The following LDB2 variants were observed in gnomAD, a reference collection of about 807,000 sequenced individuals.
LDB2 encodes LIM domain-binding protein 2.
LDB2 carries 12 observed loss-of-function variants against 44.3 expected under a neutral mutation model. That is an observed-to-expected ratio of 0.27 (90% CI 0.17 to 0.44). LDB2 has a LOEUF of 0.44. Ranked by LOEUF, LDB2 falls within the 20% of genes least tolerant of loss-of-function variation. The pLI, the probability that LDB2 is intolerant of heterozygous loss-of-function variation, is 1.00. For synonymous variants in LDB2, 164 were observed against 174.8 expected (o/e 0.94, Z 0.49); for missense variants, 344 against 473.5 (o/e 0.73, Z 2.54).
intron 5 of LDB2, among the ~76,000 whole-genome samples, chr4:16,523,133 A>G (rs543556967): frequency 1.1e-4 from 17 of 152,308 alleles, no homozygotes; most frequent in African/African-American, 3.8e-4. Flanking sequence ...GTATGCATGT[A>G]TGTACATATT....
intron 5 of LDB2, among the ~76,000 whole-genome samples, chr4:16,527,145 C>T (rs981996248): frequency 1.1e-4 from 17 of 152,050 alleles, no homozygotes; most frequent in African/African-American, 2.7e-4. Flanking sequence ...AGTTAGACAG[C>T]GAGATATTTG....
intron 2 of LDB2, among the ~76,000 whole-genome samples, chr4:16,728,954 T>C (rs1760129904): frequency 6.6e-6 from 1 of 152,210 alleles, no homozygotes; most frequent in African/African-American, 2.4e-5. Flanking sequence ...TGTCAAGAAA[T>C]TAAAGCCACA....
intron 2 of LDB2, among the ~76,000 whole-genome samples, chr4:16,733,825 C>A (rs2108943096): frequency 6.6e-6 from 1 of 152,300 alleles, no homozygotes; most frequent in Admixed American, 6.5e-5. Flanking sequence ...TAATTAACTT[C>A]ATTTTGATGT....
At chr4:16,760,659 AC>A (rs1767704642) in intron 1 of LDB2, among the ~76,000 whole-genome samples, 2 of 152,260 alleles carry the variant, frequency 1.3e-5, no homozygotes, top group South Asian at 4.2e-4. Flanking sequence ...ACTGGTCCCT[AC>A]CCTCAAAGGG....
At chr4:16,676,950 C>T (rs565823092) in intron 2 of LDB2, among the ~76,000 whole-genome samples, 1 of 152,228 alleles carries the variant, frequency 6.6e-6, no homozygotes, top group South Asian at 2.1e-4. Flanking sequence ...AGAACAGAGA[C>T]CCTGCTTTTT....
intron 1 of LDB2, among the ~76,000 whole-genome samples, chr4:16,887,084 G>T (rs1721969098): frequency 7.0e-6 from 1 of 142,408 alleles, no homozygotes; most frequent in Non-Finnish European, 1.5e-5. Flanking sequence ...AAGACAATTG[G>T]AAAACTGAAA....
intron 5 of LDB2, among the ~76,000 whole-genome samples, chr4:16,583,170 G>C (rs1486659802): frequency 6.6e-6 from 1 of 152,146 alleles, no homozygotes; most frequent in Admixed American, 6.5e-5. Context: ...AATTTCATTG[G>C]AATAAATGAA....
At chr4:16,792,726 C>A (rs1776027133) in intron 1 of LDB2, among the ~76,000 whole-genome samples, 1 of 152,206 alleles carries the variant, frequency 6.6e-6, no homozygotes, top group African/African-American at 2.4e-5. Context: ...CTCTCCTCGG[C>A]TCCTGTCTGC....
intron 2 of LDB2, among the ~76,000 whole-genome samples, chr4:16,649,253 C>G (rs560550651): frequency 6.6e-5 from 10 of 152,266 alleles, no homozygotes; most frequent in African/African-American, 2.2e-4. Flanking sequence ...ATACTGGGAA[C>G]GAAATGCTTC....
intron 2 of LDB2, among the ~76,000 whole-genome samples, chr4:16,715,760 A>AT (rs942660440): frequency 2.6e-5 from 4 of 151,972 alleles, no homozygotes; most frequent in East Asian, 1.9e-4. Flanking sequence ...CCTCAACTTA[A>AT]TTTTTTTGGT....
At chr4:16,766,440 G>GTGTGTGTATATATATACACACACATATA (rs1769234491) in intron 1 of LDB2, among the ~76,000 whole-genome samples, 1 of 147,288 alleles carries the variant, frequency 6.8e-6, no homozygotes, top group African/African-American at 2.5e-5. Flanking sequence ...ATGTATGTAT[G>GTGTGTGTATATATATACACACACATATA]TGTGTGTATA....
At chr4:16,725,242 TCACACACACA>T in intron 2 of LDB2, among the ~76,000 whole-genome samples, 1 of 149,592 alleles carries the variant, frequency 6.7e-6, no homozygotes, top group East Asian at 2.0e-4. Context: ...ATACACAAGT[TCACACACACA>T]CACACACACG....
chr4:16,821,084 G>A (rs1376363007), intron 1 of LDB2, among the ~76,000 whole-genome samples: 1 of 151,998 alleles, frequency 6.6e-6, no homozygotes, highest in Non-Finnish European at 1.5e-5. Flanking sequence ...ATTATTTTTT[G>A]ACAGTAGAGA....
At chr4:16,525,050 C>T (rs1727706295) in intron 5 of LDB2, among the ~76,000 whole-genome samples, 1 of 152,188 alleles carries the variant, frequency 6.6e-6, no homozygotes, top group South Asian at 2.1e-4. Context: ...CTGTCAGTGA[C>T]AGTTTCCAAG....
chr4:16,650,176 G>C (rs1450413607), intron 2 of LDB2, among the ~76,000 whole-genome samples: 1 of 152,178 alleles, frequency 6.6e-6, no homozygotes, highest in Non-Finnish European at 1.5e-5. Flanking sequence ...CTGTGACCTT[G>C]AGCAAATTTT....
At chr4:16,555,095 G>GT (rs57066752) in intron 5 of LDB2, among the ~76,000 whole-genome samples, 8 of 141,930 alleles carry the variant, frequency 5.6e-5, no homozygotes, top group East Asian at 4.1e-4. Flanking sequence ...ATATGGAGTG[G>GT]TTTTTTTTTT....
In LDB2 at chr4:16,502,760, G is replaced by T; in HGVS notation, c.1005C>A (p.Asp335Glu). Residue 335 changes from aspartate to glutamate, a missense_variant, in exon 8 of 8, where the codon GAC becomes GAA. Coordinates refer to ENST00000304523, the MANE Select transcript of LDB2 (RefSeq NM_001290.5). The part of the protein sequence containing the change: ...NTQYDAANGM[D>E]DEEDFNNSPA... ...GTGAATTGTTGAAGTCCTCCTCGTC[G>T]TCCATGCCGTTGGCCGCATCATATT... 6.2e-7 allele frequency: 1 copy of T among 1,613,956 alleles called. No homozygotes were observed. Among genetic ancestry groups the T allele is most frequent in the Non-Finnish European group, 8.5e-7 (1 of 1,179,962 alleles).
intron 7 of LDB2, among the ~76,000 whole-genome samples, chr4:16,503,613 G>A (rs1718163609): frequency 6.6e-6 from 1 of 152,116 alleles, no homozygotes; most frequent in Non-Finnish European, 1.5e-5. Flanking sequence ...TTATTTCATG[G>A]TGCCTGTCAC....
At chr4:16,788,591 T>C (rs1445685929) in intron 1 of LDB2, among the ~76,000 whole-genome samples, 3 of 152,192 alleles carry the variant, frequency 2.0e-5, no homozygotes, top group Non-Finnish European at 4.4e-5. Context: ...GGGGATGCCC[T>C]GGACCAGCTT....
Sources: gnomAD v4.1 joint callset for allele counts (sites outside exome capture counted in the v4.1 genomes callset) on GRCh38, gnomAD v4.1.1 for gene constraint, MANE v1.5 for transcripts, NCBI Gene and HGNC (gene_info 2026-07-23, HGNC 2026-07-21) for gene names.